SYN3: variants seen among roughly 807,000 people sequenced by gnomAD.
SYN3 encodes the protein synapsin III.
In SYN3, 35 loss-of-function variants were observed where a neutral mutation model predicts 65.8. That is an observed-to-expected ratio of 0.53 (90% CI 0.41 to 0.70). The LOEUF (loss-of-function observed/expected upper bound fraction) is 0.70. SYN3 is among the 30% of genes least tolerant of loss of function. The pLI is 0.00. For synonymous variants in SYN3, 270 were observed against 292.9 expected, an observed-to-expected ratio of 0.92 and a Z score of 0.80; for missense variants, 680 against 749.0, an observed-to-expected ratio of 0.91 and a Z score of 1.08.
chr22:33,004,079 G>C (rs578028565), intron 2 of SYN3, among the ~76,000 whole-genome samples: 11 of 152,224 alleles, frequency 7.2e-5, no homozygotes, highest in Non-Finnish European at 1.5e-4. Flanking sequence ...CCTCTGCCTA[G>C]ATTTCAGAGG....
At chr22:32,515,496 G>A (rs1301483444) in intron 13 of SYN3, among the ~76,000 whole-genome samples, 3 of 152,238 alleles carry the variant, frequency 2.0e-5, no homozygotes, top group South Asian at 2.1e-4. Context: ...AACCCAGGCA[G>A]TCTGACTCTA....
intron 6 of SYN3, among the ~76,000 whole-genome samples, chr22:32,631,985 C>T (rs989141305): frequency 6.6e-6 from 1 of 152,170 alleles, no homozygotes; most frequent in Non-Finnish European, 1.5e-5. Context: ...CCTATAAAAA[C>T]AAGACAGAGA....
chr22:32,606,661 A>T (rs1229269331), intron 6 of SYN3, among the ~76,000 whole-genome samples: 1 of 152,094 alleles, frequency 6.6e-6, no homozygotes, highest in Non-Finnish European at 1.5e-5. Context: ...TCTCTGGCCC[A>T]GGCTCAGTGG....
At chr22:32,797,090 T>C (rs1253073827) in intron 6 of SYN3, among the ~76,000 whole-genome samples, 1 of 152,114 alleles carries the variant, frequency 6.6e-6, no homozygotes, top group African/African-American at 2.4e-5. Flanking sequence ...TGTGGAATTG[T>C]GCTCTCCCGC....
chr22:32,918,480 A>AAAC (rs2050247541), intron 4 of SYN3, among the ~76,000 whole-genome samples: 2 of 152,370 alleles, frequency 1.3e-5, no homozygotes, highest in African/African-American at 4.8e-5. Context: ...TCTAGAAAAG[A>AAAC]AACAACAAAA....
intron 6 of SYN3, among the ~76,000 whole-genome samples, chr22:32,597,251 T>C (rs2059216186): frequency 6.9e-6 from 1 of 145,232 alleles, no homozygotes; most frequent in African/African-American, 2.6e-5. Context: ...GTCTTGCTCT[T>C]GTTGCCCAGG....
intron 6 of SYN3, among the ~76,000 whole-genome samples, chr22:32,692,536 G>C (rs1284996479): frequency 2.0e-5 from 3 of 152,216 alleles, no homozygotes; most frequent in Non-Finnish European, 4.4e-5. Flanking sequence ...CACGCTCACT[G>C]TGGGCTCCAA....
chr22:32,578,809 T>G (rs1299035819), intron 7 of SYN3, among the ~76,000 whole-genome samples: 2 of 152,224 alleles, frequency 1.3e-5, no homozygotes, highest in African/African-American at 2.4e-5. Context: ...GGCCAGAGAT[T>G]GGCAAACGTT....
chr22:32,603,537 G>GAAAA (rs1259399396), intron 6 of SYN3, among the ~76,000 whole-genome samples: 5 of 124,778 alleles, frequency 4.0e-5, no homozygotes, highest in Admixed American at 1.6e-4. Flanking sequence ...CAAAAAAAAA[G>GAAAA]AAAAAAAAAA....
intron 6 of SYN3, among the ~76,000 whole-genome samples, chr22:32,726,588 C>G (rs1250200656): frequency 6.6e-6 from 1 of 152,202 alleles, no homozygotes; most frequent in African/African-American, 2.4e-5. Flanking sequence ...CTCCCTAGTG[C>G]ATCTGAATCA....
chr22:32,648,689 G>A (rs192019746), intron 6 of SYN3, among the ~76,000 whole-genome samples: 1 of 152,330 alleles, frequency 6.6e-6, no homozygotes, highest in African/African-American at 2.4e-5. Context: ...AGTTTCATTA[G>A]CTGTAAAATG....
At position 32,869,051 on chromosome 22, in the gene SYN3, C is replaced by A. The variant is rs2048766901; in HGVS notation, c.536G>T (p.Ser179Ile). 1 of 1,614,010 alleles carries A rather than the reference C, an allele frequency of 6.2e-7. No individual in the cohort carries two copies. The highest frequency in any genetic ancestry group is 1.7e-5 in the Admixed American group (1 of 60,008). Residue 179 changes from serine (S) to isoleucine (I), a missense_variant, in exon 5 of 14, where the codon AGC (serine) becomes ATC (isoleucine). By Grantham distance (142) the Ser-to-Ile change is moderately radical. Transcript: ENST00000358763. ...YSMALGEDYR[S>I]LVIGLQYGGL... is the part of the protein sequence containing the mutation. Reference sequence around the variant, plus strand: ...TCCATACTGCAGGCCGATGACCAGGCTGCGGTAGTCTTCCCCCAGGGCCAT... The same window carrying A: ...TCCATACTGCAGGCCGATGACCAGGATGCGGTAGTCTTCCCCCAGGGCCAT...
intron 1 of SYN3, among the ~76,000 whole-genome samples, chr22:33,036,227 T>C (rs1490639843): frequency 6.6e-6 from 1 of 152,180 alleles, no homozygotes; most frequent in African/African-American, 2.4e-5. Flanking sequence ...GCTTATGTTT[T>C]TCCCAGACGT....
At chr22:32,967,286 C>T (rs143943318) in intron 3 of SYN3, among the ~76,000 whole-genome samples, 12 of 152,282 alleles carry the variant, frequency 7.9e-5, no homozygotes, top group Admixed American at 4.6e-4. Flanking sequence ...TGGACCAAAA[C>T]GGGTCCAGTT....
chr22:32,610,670 C>T (rs2059430575), intron 6 of SYN3, among the ~76,000 whole-genome samples: 1 of 152,186 alleles, frequency 6.6e-6, no homozygotes, highest in South Asian at 2.1e-4. Context: ...GCAACCTCCC[C>T]CTCCAGATGT....
intron 3 of SYN3, among the ~76,000 whole-genome samples, chr22:32,935,050 G>C (rs954260994): frequency 1.3e-5 from 2 of 152,088 alleles, no homozygotes; most frequent in Non-Finnish European, 2.9e-5. Flanking sequence ...TGGGAATTTT[G>C]GCCTCCAGAA....
chr22:32,814,503 G>A (rs1001534938), intron 6 of SYN3, among the ~76,000 whole-genome samples: 4 of 152,086 alleles, frequency 2.6e-5, no homozygotes, highest in African/African-American at 9.7e-5. Context: ...TTTTTCTAAC[G>A]GAGAAAGACA....
intron 4 of SYN3, among the ~76,000 whole-genome samples, chr22:32,879,779 T>G (rs112151974): frequency 6.6e-6 from 1 of 152,284 alleles, no homozygotes; most frequent in Non-Finnish European, 1.5e-5. Flanking sequence ...ACTCAAGGGA[T>G]CCACATGGAA....
intron 6 of SYN3, among the ~76,000 whole-genome samples, chr22:32,772,180 AG>A (rs541077146): frequency 2.5e-3 from 374 of 152,044 alleles, no homozygotes; most frequent in African/African-American, 8.4e-3. Context: ...GCTGGGCCAC[AG>A]GGGGGGAGAA....
Sources: allele counts gnomAD v4.1 joint callset (sites outside exome capture counted in the v4.1 genomes callset), GRCh38; gene constraint gnomAD v4.1.1; transcripts MANE v1.5; gene names NCBI Gene and HGNC (gene_info 2026-07-23, HGNC 2026-07-21).